The following CAPG variants were observed in gnomAD, a reference collection of about 807,000 sequenced individuals.
CAPG encodes the protein macrophage-capping protein.
CAPG carries 32 observed loss-of-function variants against 44.6 expected under a neutral mutation model. That is an observed-to-expected ratio of 0.72 (90% confidence interval 0.54 to 0.96). The LOEUF (loss-of-function observed/expected upper bound fraction) is 0.96. CAPG is among the 50% of genes least tolerant of loss of function. The probability of loss-of-function intolerance (pLI) is 0.00; values close to 1 mark genes in which losing one functional copy is unlikely to be tolerated. For missense variants in CAPG, 412 were observed against 438.3 expected, an observed-to-expected ratio of 0.94 and a Z score of 0.54; for synonymous variants, 175 against 179.6, an observed-to-expected ratio of 0.97 and a Z score of 0.20.
At chr2:85,392,670 G>A (rs1686430228), downstream of CAPG, among the ~76,000 whole-genome samples, 1 of 152,226 alleles carries the variant, frequency 6.6e-6, no homozygotes, top group Non-Finnish European at 1.5e-5. Flanking sequence ...AAACCCCATA[G>A]TTTGCCTTGT....
At position 85,395,533 on chromosome 2, in the gene CAPG, C is replaced by G; in HGVS notation, c.981+5G>C. The stretch of plus-strand genomic sequence containing the variant: ...AGAGGGCTGTGGTTGTGCGCATCTC[C>G]TCACCTGAGTGTTCGGGGCGTACTG... On this transcript the variant is annotated splice_donor_5th_base_variant and intron_variant, in intron 9 of 9. Transcript: ENST00000263867. The surrounding 1 kb of genome is among the most constrained non-coding windows in gnomAD (Gnocchi z 4.3). The G allele has an allele frequency of 6.2e-7, 1 of 1,612,402 alleles. No individual in the cohort carries two copies. The highest frequency in any genetic ancestry group is 8.5e-7 in the Non-Finnish European group (1 of 1,178,856).
chr2:85,409,018 T>G (rs1215845249), intron 1 of CAPG, among the ~76,000 whole-genome samples: 1 of 152,134 alleles, frequency 6.6e-6, no homozygotes, highest in Non-Finnish European at 1.5e-5. Context: ...CTACACCTCT[T>G]AAAGCCTTTA....
At chr2:85,397,655 A>T (rs920601057) in intron 8 of CAPG, among the ~76,000 whole-genome samples, 14 of 152,022 alleles carry the variant, frequency 9.2e-5, no homozygotes, top group African/African-American at 3.1e-4. Flanking sequence ...GTGAGCCAAG[A>T]TCGTGCCACT....
chr2:85,399,103 G>A (rs771529556), intron 6 of CAPG, 33 bp downstream of exon 6: 1 of 1,607,408 alleles, frequency 6.2e-7, no homozygotes, highest in South Asian at 1.1e-5. Flanking sequence ...TTCAAGCAGA[G>A]GCTCCCAGCC....
In CAPG at chr2:85,394,864, G is replaced by A. The variant is rs903191095; in HGVS notation, c.*29C>T. On this transcript the variant is annotated 3_prime_UTR_variant, in exon 10 of 10. Coordinates refer to ENST00000263867, the MANE Select transcript of CAPG (RefSeq NM_001747.4). ...CAAGCAGGCAGGTGGTGGGGGGCAG[G>A]GGAGCATGGGGCAGGAAGACGCCCA... 1.3e-6 allele frequency: 2 copies of A among 1,567,296 alleles called. No homozygotes were observed. The highest frequency in any genetic ancestry group is 1.8e-6 in the Non-Finnish European group (2 of 1,137,224).
Position 85,398,704 on chromosome 2 carries a change from C to T in CAPG, c.745G>A (p.Ala249Thr), listed in dbSNP as rs376003215. 55 of 1,602,528 alleles carry T rather than the reference C, an allele frequency of 3.4e-5. No individual in the cohort carries two copies. Among genetic ancestry groups the T allele is most frequent in the African/African-American group, 6.7e-5 (5 of 74,834 alleles). The change falls in exon 7 of 10, where the codon GCA (alanine) becomes ACA (threonine). Residue 249 changes from alanine (A) to threonine (T), a missense_variant. Physicochemically the swap from Ala to Thr is moderately conservative, Grantham distance 58. Transcript: ENST00000263867. ...LTADKANAQAAALYKVSDATG... is the reference protein window; with the variant it reads ...LTADKANAQATALYKVSDATG... ...GGGGGGCCCACCTTATACAGAGCTG[C>T]GGCCTGGGCATTTGCCTTGTCAGCT...
Position 85,395,913 on chromosome 2 carries a change from G to T in CAPG, c.893-287C>A. ...GGCCCCTGGAATATTTCAGGGAGGG[G>T]AACAGGTGTTCACCCTAGCATCAGA... On this transcript the variant is annotated intron_variant, in intron 8 of 9. Coordinates refer to ENST00000263867, the MANE Select transcript of CAPG (RefSeq NM_001747.4). This position sits in a 1 kb window ranked among gnomAD's most constrained non-coding sequence, Gnocchi z 4.3. The T allele has an allele frequency of 2.4e-6, 1 of 413,444 alleles. No homozygotes were observed. Among genetic ancestry groups the T allele is most frequent in the South Asian group, 2.9e-5 (1 of 34,530 alleles). 25.6% of individuals were successfully genotyped at this position (413,444 alleles called of 1,614,324 possible).
chr2:85,398,564 T>C (rs1686720386), intron 7 of CAPG, 126 bp downstream of exon 7: 2 of 767,834 alleles, frequency 2.6e-6, no homozygotes, highest in Non-Finnish European at 4.3e-6. Context: ...ACTCCCCACC[T>C]CCCACCTCGG....
intron 1 of CAPG, among the ~76,000 whole-genome samples, chr2:85,405,213 C>T (rs536938284): frequency 2.6e-5 from 4 of 152,114 alleles, no homozygotes; most frequent in South Asian, 2.1e-4. Flanking sequence ...AAATGCTAAA[C>T]GCAAGTATTT....
At chr2:85,416,515 T>C (rs1687555305) in intron 1 of CAPG, among the ~76,000 whole-genome samples, 1 of 152,140 alleles carries the variant, frequency 6.6e-6, no homozygotes, top group Admixed American at 6.5e-5. Flanking sequence ...ATATTCCTTT[T>C]TTTTTCTTTT....
chr2:85,416,026 C>A (rs62162750), intron 1 of CAPG, among the ~76,000 whole-genome samples: 1 of 151,654 alleles, frequency 6.6e-6, no homozygotes, highest in Non-Finnish European at 1.5e-5. Flanking sequence ...CGGGAGGATC[C>A]GCAAAAAGAA....
chr2:85,395,424 C>T lies in CAPG; in HGVS notation c.981+114G>A. ...CACTGGATGGGTCTAAGAGGGAGGC[C>T]TGGTTGTTCCTGACAGTGCCCAAGG... On this transcript the variant is annotated intron_variant, in intron 9 of 9. Coordinates refer to ENST00000263867, the MANE Select transcript of CAPG (RefSeq NM_001747.4). The surrounding 1 kb of genome is among the most constrained non-coding windows in gnomAD (Gnocchi z 4.3). The T allele has an allele frequency of 1.3e-6, 1 of 765,022 alleles. No individual in the cohort carries two copies. The highest frequency in any genetic ancestry group is 2.3e-6 in the Non-Finnish European group (1 of 440,294). The allele number at this position is 765,022 out of a possible 1,614,324, so 47.4% of individuals were successfully genotyped here.
At chr2:85,410,131 G>C (rs555925425) in intron 1 of CAPG, among the ~76,000 whole-genome samples, 186 bp downstream of exon 1, 2 of 152,346 alleles carry the variant, frequency 1.3e-5, no homozygotes, top group African/African-American at 4.8e-5. Context: ...GCATAAGGCT[G>C]GCAGGACAGC....
upstream of CAPG, among the ~76,000 whole-genome samples, chr2:85,411,689 T>C (rs573235778): frequency 7.9e-5 from 12 of 152,328 alleles, no homozygotes; most frequent in East Asian, 1.7e-3. Flanking sequence ...GAGCAAAATC[T>C]GGAACAAATC....
intron 4 of CAPG, 95 bp from the exon 5 acceptor site, chr2:85,401,424 C>T (rs558274178): frequency 1.1e-5 from 18 of 1,576,372 alleles, no homozygotes; most frequent in South Asian, 9.1e-5. Context: ...GGTGGGGACC[C>T]GGCTCCAAAG....
intron 1 of CAPG, among the ~76,000 whole-genome samples, chr2:85,406,951 G>A (rs1226482114): frequency 1.4e-4 from 20 of 141,722 alleles, no homozygotes; most frequent in Non-Finnish European, 2.9e-4. Context: ...TTTTTTTTGA[G>A]ACAGAGTTTC....
Position 85,395,203 on chromosome 2 carries a change from C to T in CAPG, c.982-245G>A, listed in dbSNP as rs1051674667. Among the ~76,000 whole-genome samples, 1 of 152,184 alleles carries T rather than the reference C, an allele frequency of 6.6e-6. No homozygotes were observed. The highest frequency in any genetic ancestry group is 1.5e-5 in the Non-Finnish European group (1 of 68,036). ...TGCACAGTTTAATAAATGCCACCAA[C>T]GGTAGCTGAGCCCTGTCAGCTCCCC... On this transcript the variant is annotated intron_variant, in intron 9 of 9. Transcript: ENST00000263867. This position sits in a 1 kb window ranked among gnomAD's most constrained non-coding sequence, Gnocchi z 4.3.
At position 85,395,589 on chromosome 2, in the gene CAPG, C is replaced by T. The variant is rs1193954987; in HGVS notation, c.930G>A (p.Leu310=). 2 of 1,613,966 alleles carry T rather than the reference C, an allele frequency of 1.2e-6. No individual in the cohort carries two copies. The highest frequency in any genetic ancestry group is 8.5e-7 in the Non-Finnish European group (1 of 1,179,926). Reference sequence around the variant, plus strand: ...GCGAGATGAAGCCCTCGGCCACCTGCAGGGCTGCCTGCCGCTCCTTCTCAT... The same window carrying T: ...GCGAGATGAAGCCCTCGGCCACCTGTAGGGCTGCCTGCCGCTCCTTCTCAT... ...KANEKERQAA[L]QVAEGFISRM... is the part of the protein sequence containing the mutation. The change falls in exon 9 of 10, where the codon CTG becomes CTA. Residue 310 remains leucine (L), a synonymous_variant. Transcript: ENST00000263867. The surrounding 1 kb of genome is among the most constrained non-coding windows in gnomAD (Gnocchi z 4.3).
Position 85,402,138 on chromosome 2 carries a change from G to T in CAPG, c.8C>A (p.Thr3Lys), listed in dbSNP as rs1367543558. 1 of 1,605,964 alleles carries T rather than the reference G, an allele frequency of 6.2e-7. No individual in the cohort carries two copies. Among genetic ancestry groups the T allele is most frequent in the South Asian group, 1.1e-5 (1 of 90,016 alleles). Residue 3 changes from threonine to lysine, a missense_variant, in exon 2 of 10, where the codon ACA (threonine) becomes AAA (lysine). Thr to Lys is a moderately conservative substitution (Grantham distance 78, BLOSUM62 -1). Coordinates refer to ENST00000263867, the MANE Select transcript of CAPG (RefSeq NM_001747.4). ...TGCAGCTTACCTCTGGGGAATGGCT[G>T]TGTACATGCTGTCTTCAGATCTGGA... is the stretch of plus-strand genomic sequence containing the variant. MY[T>K]AIPQSGSPFP... is the part of the protein sequence containing the mutation.
Sources: allele counts gnomAD v4.1 joint callset (sites outside exome capture counted in the v4.1 genomes callset), GRCh38; gene constraint gnomAD v4.1.1; non-coding constraint Gnocchi (gnomAD v3.1); transcripts MANE v1.5; gene names NCBI Gene and HGNC (gene_info 2026-07-23, HGNC 2026-07-21).